The following EPS15 variants were observed in gnomAD, a reference collection of about 807,000 sequenced individuals.
The protein encoded by EPS15 is epidermal growth factor receptor substrate 15.
In EPS15, 72 loss-of-function variants were observed where a neutral mutation model predicts 113.8. The ratio of observed to expected loss-of-function variants is 0.63; its 90% CI spans 0.52 to 0.77. EPS15 has a LOEUF of 0.77. Among genes scored for constraint, EPS15 ranks in the 30% least tolerant of loss-of-function variants. EPS15 has a pLI of 0.00. For missense variants in EPS15, 1,048 were observed against 1,045.8 expected (o/e 1.00, Z -0.03); for synonymous variants, 344 against 363.4 (o/e 0.95, Z 0.61).
intron 1 of EPS15, among the ~76,000 whole-genome samples, chr1:51,516,505 C>T (rs1644719152): frequency 2.6e-5 from 4 of 152,180 alleles, no homozygotes; most frequent in Admixed American, 2.6e-4. Context: ...GGTACTCTAG[C>T]ATTCTATCAT....
intron 12 of EPS15, among the ~76,000 whole-genome samples, chr1:51,424,257 T>G (rs1212800963): frequency 6.6e-6 from 1 of 152,206 alleles, no homozygotes; most frequent in Non-Finnish European, 1.5e-5. Context: ...GTAATTTTCT[T>G]GACCTAGTTT....
chr1:51,508,407 T>C (rs1015479030), intron 1 of EPS15, among the ~76,000 whole-genome samples: 2 of 150,236 alleles, frequency 1.3e-5, no homozygotes, highest in Non-Finnish European at 3.0e-5. Flanking sequence ...CAAATACATA[T>C]AAATTCTGCA....
intron 2 of EPS15, among the ~76,000 whole-genome samples, chr1:51,480,394 T>C (rs931460813): frequency 2.6e-5 from 4 of 152,206 alleles, no homozygotes; most frequent in Admixed American, 2.6e-4. Context: ...TTTATACTCG[T>C]AGAGGTAGAG....
chr1:51,504,132 G>A (rs1244217798), intron 1 of EPS15, among the ~76,000 whole-genome samples: 1 of 152,180 alleles, frequency 6.6e-6, no homozygotes, highest in Non-Finnish European at 1.5e-5. Flanking sequence ...CTTCAGGCCA[G>A]GCAAGGTGGC....
At chr1:51,381,733 A>C (rs538408042) in intron 21 of EPS15, among the ~76,000 whole-genome samples, 1 of 152,344 alleles carries the variant, frequency 6.6e-6, no homozygotes, top group East Asian at 1.9e-4. Context: ...AAGAAAAATC[A>C]CAAAGAAAAT....
chr1:51,387,359 A>T (rs1647110914), intron 21 of EPS15, among the ~76,000 whole-genome samples: 1 of 152,224 alleles, frequency 6.6e-6, no homozygotes, highest in South Asian at 2.1e-4. Context: ...CAGCCACTGC[A>T]AAATCATGCC....
chr1:51,495,530 T>C (rs1233002165), intron 1 of EPS15, among the ~76,000 whole-genome samples: 1 of 152,020 alleles, frequency 6.6e-6, no homozygotes, highest in Admixed American at 6.5e-5. Flanking sequence ...TTAAGAAATA[T>C]GCCCATACAA....
intron 14 of EPS15, among the ~76,000 whole-genome samples, chr1:51,408,752 C>G (rs546006694): frequency 6.7e-6 from 1 of 150,290 alleles, no homozygotes; most frequent in Admixed American, 6.7e-5. Flanking sequence ...CTCAGCCTCT[C>G]GAGTAGGTGG....
At chr1:51,475,366 C>A (rs952840911) in intron 2 of EPS15, among the ~76,000 whole-genome samples, 3 of 152,144 alleles carry the variant, frequency 2.0e-5, no homozygotes, top group Non-Finnish European at 4.4e-5. Flanking sequence ...TTAATGATCG[C>A]CATTCTAACT....
At chr1:51,381,950 T>C (rs77081854) in intron 21 of EPS15, among the ~76,000 whole-genome samples, 3,282 of 151,702 alleles carry the variant, frequency 0.022, 54 homozygotes, top group Non-Finnish European at 0.034. Context: ...AAATGAATAA[T>C]AAAAATTGGA....
chr1:51,369,749 A>G (rs749808710), intron 21 of EPS15, among the ~76,000 whole-genome samples: 8 of 152,126 alleles, frequency 5.3e-5, no homozygotes, highest in Non-Finnish European at 8.8e-5. Flanking sequence ...CCCTGATTTA[A>G]TCACAGTACT....
chr1:51,462,608 C>G (rs1453735167), intron 7 of EPS15, among the ~76,000 whole-genome samples: 1 of 151,820 alleles, frequency 6.6e-6, no homozygotes, highest in Non-Finnish European at 1.5e-5. Flanking sequence ...TTCCATCAGG[C>G]AGGAGAGATA....
intron 24 of EPS15, among the ~76,000 whole-genome samples, chr1:51,360,080 C>T (rs1309177532): frequency 2.0e-5 from 3 of 152,032 alleles, no homozygotes; most frequent in Non-Finnish European, 2.9e-5. Flanking sequence ...AGCCACCACG[C>T]CCGGCCTGCA....
chr1:51,454,343 A>G (rs2148491159), intron 8 of EPS15, among the ~76,000 whole-genome samples: 1 of 152,340 alleles, frequency 6.6e-6, no homozygotes, highest in African/African-American at 2.4e-5. Context: ...CAAACAGCAA[A>G]GTAAAAAGGG....
At chr1:51,480,826 A>G (rs1238382472) in intron 2 of EPS15, among the ~76,000 whole-genome samples, 1 of 152,238 alleles carries the variant, frequency 6.6e-6, no homozygotes, top group South Asian at 2.1e-4. Flanking sequence ...TCCCATTTTT[A>G]TATCTGACCA....
intron 21 of EPS15, among the ~76,000 whole-genome samples, chr1:51,384,819 G>C (rs576555054): frequency 6.6e-6 from 1 of 152,218 alleles, no homozygotes; most frequent in South Asian, 2.1e-4. Context: ...TGATTTTCAA[G>C]AAACGTGCCA....
intron 1 of EPS15, among the ~76,000 whole-genome samples, chr1:51,503,006 C>CAAAAAAAAAAAAAAAAAAAA (rs56340331): frequency 1.5e-5 from 1 of 67,434 alleles, no homozygotes; most frequent in Non-Finnish European, 3.2e-5. Context: ...GACTCTGTCT[C>CAAAAAAAAAAAAAAAAAAAA]AAAAAAAAAA....
intron 1 of EPS15, 21 bp downstream of exon 1, chr1:51,519,177 GC>G: frequency 7.0e-7 from 1 of 1,438,792 alleles, no homozygotes; most frequent in Non-Finnish European, 9.2e-7. Context: ...GCCAAGCCCG[GC>G]GGACGGGCGT....
intron 19 of EPS15, among the ~76,000 whole-genome samples, chr1:51,400,326 C>A (rs1025122263): frequency 1.3e-5 from 2 of 152,102 alleles, no homozygotes; most frequent in Non-Finnish European, 2.9e-5. Flanking sequence ...GCTCACCAAA[C>A]CTTTAGTTAG....
Sources: allele counts gnomAD v4.1 joint callset (sites outside exome capture counted in the v4.1 genomes callset), GRCh38; gene constraint gnomAD v4.1.1; transcripts MANE v1.5; gene names NCBI Gene and HGNC (gene_info 2026-07-23, HGNC 2026-07-21).